Variants in CD6 observed in about 807,000 individuals in gnomAD.
The protein encoded by CD6 is CD6 molecule, also known as T-cell differentiation antigen CD6.
A neutral mutation model predicts 75.3 loss-of-function variants in CD6; 53 were observed. That is an observed-to-expected ratio of 0.70 (90% CI 0.56 to 0.88). The LOEUF is 0.88. CD6 is among the 40% of genes least tolerant of loss of function. The pLI, the probability that CD6 is intolerant of heterozygous loss-of-function variation, is 0.00. For synonymous variants in CD6, 359 were observed against 381.5 expected, an observed-to-expected ratio of 0.94 and a Z score of 0.69; for missense variants, 770 against 897.1, an observed-to-expected ratio of 0.86 and a Z score of 1.81.
At chr11:61,019,210 G>A (rs1404482960) in intron 12 of CD6, 44 bp from the exon 13 acceptor site, 6 of 1,484,970 alleles carry the variant, frequency 4.0e-6, no homozygotes, top group African/African-American at 2.8e-5. Context: ...GGGCAGCAGG[G>A]CAATGACTGG....
At chr11:61,002,709 A>T (rs1858642502) in intron 1 of CD6, among the ~76,000 whole-genome samples, 1 of 152,240 alleles carries the variant, frequency 6.6e-6, no homozygotes, top group Non-Finnish European at 1.5e-5. Context: ...AACAAAAAGA[A>T]ATTTATTTCT....
chr11:61,013,677 A>C, intron 7 of CD6, 114 bp downstream of exon 7: 1 of 1,192,262 alleles, frequency 8.4e-7, no homozygotes, highest in Non-Finnish European at 1.2e-6. Flanking sequence ...CCCTGGGGAG[A>C]TCCCCAAGGT....
chr11:60,990,053 A>G (rs1378788745), intron 1 of CD6, among the ~76,000 whole-genome samples: 3 of 151,922 alleles, frequency 2.0e-5, no homozygotes, highest in Non-Finnish European at 4.4e-5. Flanking sequence ...AATTTTATTT[A>G]GTAAAAATAG....
rs900196114 is a variant in CD6 at position 60,971,793 on chromosome 11, G to A, written c.-73G>A. ...CCTGCGCCAGGGGCGCACAACGGCC[G>A]TGTCCACCTCCCGGCCCCAAGATGG... On this transcript the variant is annotated 5_prime_UTR_variant, in exon 1 of 13. The change creates a new upstream start codon in the 5' untranslated region. Coordinates refer to ENST00000313421, the MANE Select transcript of CD6 (RefSeq NM_006725.5). 1.5e-5 allele frequency: 22 copies of A among 1,499,852 alleles called. No individual in the cohort carries two copies. The highest frequency in any genetic ancestry group is 2.3e-5 in the South Asian group (2 of 86,750). The allele number at this position is 1,499,852 out of a possible 1,614,324, so 92.9% of individuals were successfully genotyped here.
Position 60,991,287 on chromosome 11 carries a change from A to G in CD6, c.50-15287A>G, listed in dbSNP as rs542004513. Among the ~76,000 whole-genome samples the G allele has an allele frequency of 4.0e-3, 606 of 150,794 alleles. 2 individuals are homozygous for G. Among genetic ancestry groups the G allele is most frequent in the African/African-American group, 0.014 (583 of 41,012 alleles). On this transcript the variant is annotated intron_variant, in intron 1 of 12. Transcript: ENST00000313421. ...TGCCTCAGCCTCTCGAGTAGCTAGG[A>G]TTGCAGGCATGCGCCACCATGCCTG...
At chr11:60,998,779 G>A (rs1393004132) in intron 1 of CD6, among the ~76,000 whole-genome samples, 2 of 146,844 alleles carry the variant, frequency 1.4e-5, no homozygotes, top group African/African-American at 2.5e-5. Flanking sequence ...AAAGCCCTGT[G>A]TATTTATTTG....
intron 1 of CD6, among the ~76,000 whole-genome samples, chr11:60,993,322 G>C (rs17752099): frequency 7.9e-5 from 12 of 151,976 alleles, no homozygotes; most frequent in South Asian, 2.1e-4. Context: ...CAGAGAACCA[G>C]AATCACCCCC....
intron 5 of CD6, among the ~76,000 whole-genome samples, chr11:61,010,620 C>T (rs534579197): frequency 2.0e-5 from 3 of 152,294 alleles, no homozygotes; most frequent in Admixed American, 6.5e-5. Flanking sequence ...TGATACTAGG[C>T]ACTTCGCAGG....
At chr11:60,982,521 G>A (rs1446230542) in intron 1 of CD6, 5 of 451,956 alleles carry the variant, frequency 1.1e-5, no homozygotes, top group African/African-American at 2.0e-5. Flanking sequence ...GCGGGCGCGG[G>A]GAGACAGAGC....
chr11:60,980,865 TG>T (rs1234535337), intron 1 of CD6, among the ~76,000 whole-genome samples: 1 of 151,830 alleles, frequency 6.6e-6, no homozygotes, highest in Non-Finnish European at 1.5e-5. Flanking sequence ...TTAATTAAAT[TG>T]AAAGAAAGAC....
At position 61,020,198 on chromosome 11, in the gene CD6, T is replaced by A. The variant is rs947282711; in HGVS notation, c.*880T>A. ...CTCAGAAGCTGCACTAGGCCCCGAGTCCCCATGTGTCTCCTTGAATTGATG... is the reference window on the plus strand; with the variant it reads ...CTCAGAAGCTGCACTAGGCCCCGAGACCCCATGTGTCTCCTTGAATTGATG... On this transcript the variant is annotated 3_prime_UTR_variant, in exon 13 of 13. Coordinates refer to ENST00000313421, the MANE Select transcript of CD6 (RefSeq NM_006725.5). The A allele has an allele frequency of 2.5e-6, 1 of 398,508 alleles. No individual in the cohort carries two copies. Among genetic ancestry groups the A allele is most frequent in the Non-Finnish European group, 4.4e-6 (1 of 226,058 alleles). The allele number at this position is 398,508 out of a possible 1,614,324, so 24.7% of individuals were successfully genotyped here.
At chr11:60,997,913 A>G (rs548477219) in intron 1 of CD6, among the ~76,000 whole-genome samples, 4 of 152,340 alleles carry the variant, frequency 2.6e-5, no homozygotes, top group South Asian at 4.1e-4. Context: ...TGGACAACAC[A>G]GCACCATATG....
intron 11 of CD6, 70 bp from the exon 12 acceptor site, chr11:61,018,219 C>T (rs941863969): frequency 1.4e-5 from 19 of 1,379,326 alleles, no homozygotes; most frequent in Admixed American, 9.4e-5. Flanking sequence ...GTCACGTGGG[C>T]CCCCCAGCTC....
At chr11:60,991,081 T>C (rs77770143) in intron 1 of CD6, among the ~76,000 whole-genome samples, 4 of 151,904 alleles carry the variant, frequency 2.6e-5, no homozygotes, top group Admixed American at 6.6e-5. Context: ...TATGAGCCTC[T>C]TGAAATCTAT....
intron 1 of CD6, among the ~76,000 whole-genome samples, chr11:60,999,491 C>CG (rs975456195): frequency 2.0e-5 from 3 of 150,532 alleles, no homozygotes; most frequent in Non-Finnish European, 4.4e-5. Flanking sequence ...TAAAACATGG[C>CG]GGGGGGTGAG....
At chr11:60,975,468 A>G (rs988578609) in intron 1 of CD6, among the ~76,000 whole-genome samples, 5 of 152,240 alleles carry the variant, frequency 3.3e-5, no homozygotes, top group Non-Finnish European at 7.3e-5. Context: ...GAATTCTATT[A>G]TCACAATTAA....
intron 1 of CD6, among the ~76,000 whole-genome samples, chr11:60,993,752 C>T (rs1224761231): frequency 6.6e-6 from 1 of 152,158 alleles, no homozygotes; most frequent in Non-Finnish European, 1.5e-5. Flanking sequence ...CTGGGATCTC[C>T]TGCTCCCTCG....
chr11:60,993,679 C>T (rs1158113574), intron 1 of CD6, among the ~76,000 whole-genome samples: 1 of 152,174 alleles, frequency 6.6e-6, no homozygotes, highest in Non-Finnish European at 1.5e-5. Flanking sequence ...CCCAGAGTCC[C>T]TGTCTAAGTC....
chr11:60,993,051 AC>A lies in CD6; in HGVS notation c.50-13521del, dbSNP rs574877697. Among the ~76,000 whole-genome samples, 200 of 152,044 alleles carry A rather than the reference AC, an allele frequency of 1.3e-3. 2 individuals are homozygous for A. Among genetic ancestry groups the A allele is most frequent in the Non-Finnish European group, 7.8e-4 (53 of 68,006 alleles). Reference sequence around the variant, plus strand: ...TGAGCTGCTTGCAACCCTCCATGGGACCTTCTCATTTTACCACCTGGTAGCT... The same window carrying A: ...TGAGCTGCTTGCAACCCTCCATGGGACTTCTCATTTTACCACCTGGTAGCT... On this transcript the variant is annotated intron_variant, in intron 1 of 12. Coordinates refer to ENST00000313421, the MANE Select transcript of CD6 (RefSeq NM_006725.5).
Sources: allele counts gnomAD v4.1 joint callset (sites outside exome capture counted in the v4.1 genomes callset), GRCh38; gene constraint gnomAD v4.1.1; transcripts MANE v1.5; gene names NCBI Gene and HGNC (gene_info 2026-07-23, HGNC 2026-07-21).